ABHD2: variants seen among roughly 807,000 people sequenced by gnomAD.
ABHD2 encodes abhydrolase domain containing 2, acylglycerol lipase.
ABHD2 carries 20 observed loss-of-function variants against 48.1 expected under a neutral mutation model. The observed-to-expected ratio is 0.42, with a 90% CI of 0.29 to 0.60. The LOEUF (loss-of-function observed/expected upper bound fraction) is 0.60. ABHD2 is among the 20% of genes least tolerant of loss of function. The pLI, the probability that ABHD2 is intolerant of heterozygous loss-of-function variation, is 0.24. For synonymous variants in ABHD2, 209 were observed against 214.2 expected (o/e 0.98, Z 0.21); for missense variants, 405 against 550.9 (o/e 0.74, Z 2.65).
At chr15:89,172,948 T>C (rs756807698) in intron 5 of ABHD2, among the ~76,000 whole-genome samples, 1 of 152,206 alleles carries the variant, frequency 6.6e-6, no homozygotes, top group Non-Finnish European at 1.5e-5. Flanking sequence ...CGGGGGTTAC[T>C]TGTCATCAAA....
chr15:89,201,062 A>G lies in ABHD2; in HGVS notation c.*5639A>G. 1.3e-6 allele frequency: 1 copy of G among 782,688 alleles called. No individual in the cohort carries two copies. The highest frequency in any genetic ancestry group is 2.2e-6 in the Non-Finnish European group (1 of 446,954). 48.5% of individuals were successfully genotyped at this position (782,688 alleles called of 1,614,324 possible). ...ACGCCTCTGCACTCCAGCCTGGGCA[A>G]CAAGAGTGAGACTCCGTCTCCAAAA... is the stretch of plus-strand genomic sequence containing the variant. On this transcript the variant is annotated 3_prime_UTR_variant, in exon 11 of 11. Transcript: ENST00000352732.
At chr15:89,181,411 T>G (rs1212259722) in intron 6 of ABHD2, among the ~76,000 whole-genome samples, 1 of 152,194 alleles carries the variant, frequency 6.6e-6, no homozygotes, top group Non-Finnish European at 1.5e-5. Context: ...TACTTTATTC[T>G]TAAGGTTTCA....
chr15:89,115,260 A>G (rs2049936495), intron 2 of ABHD2, among the ~76,000 whole-genome samples: 1 of 151,992 alleles, frequency 6.6e-6, no homozygotes, highest in South Asian at 2.1e-4. Flanking sequence ...CCTGATTTTT[A>G]AGGTTAACAG....
At chr15:89,130,583 G>C (rs1014202220) in intron 3 of ABHD2, among the ~76,000 whole-genome samples, 1 of 152,104 alleles carries the variant, frequency 6.6e-6, no homozygotes, top group Non-Finnish European at 1.5e-5. Context: ...GCTTTAGGCT[G>C]CTAAAAGCCT....
At chr15:89,083,504 GTGTT>G (rs1362737735), upstream of ABHD2, among the ~76,000 whole-genome samples, 1 of 152,178 alleles carries the variant, frequency 6.6e-6, no homozygotes, top group East Asian at 1.9e-4. This position sits in a 1 kb window ranked among gnomAD's most constrained non-coding sequence, Gnocchi z 5.1. Flanking sequence ...GCGTGTATGT[GTGTT>G]TGTGTGTTTC....
chr15:89,127,706 C>CATACATATAT (rs58331064), intron 3 of ABHD2, among the ~76,000 whole-genome samples: 4 of 129,898 alleles, frequency 3.1e-5, no homozygotes, highest in African/African-American at 1.4e-4. Context: ...TATATATATA[C>CATACATATAT]ATATATATAT....
chr15:89,170,051 C>T (rs1430324837), intron 5 of ABHD2, among the ~76,000 whole-genome samples: 5 of 131,904 alleles, frequency 3.8e-5, no homozygotes, highest in Non-Finnish European at 3.2e-5. Flanking sequence ...CTTAAGATGG[C>T]TCAGAGCCAT....
intron 3 of ABHD2, among the ~76,000 whole-genome samples, chr15:89,118,290 T>C (rs1172312715): frequency 1.3e-5 from 2 of 151,960 alleles, no homozygotes; most frequent in African/African-American, 2.4e-5. Flanking sequence ...TTCAAGCGAT[T>C]CTCCTACCTT....
rs1191109174 is a variant in ABHD2, at chr15:89,106,146, T to G, written c.-106-7579T>G. 1 of 152,206 alleles carries G rather than the reference T, an allele frequency of 6.6e-6. No homozygotes were observed. The highest frequency in any genetic ancestry group is 1.5e-5 in the Non-Finnish European group (1 of 68,078). 9.4% of individuals were successfully genotyped at this position (152,206 alleles called of 1,614,324 possible). The stretch of plus-strand genomic sequence containing the variant: ...CTGGCTAACATGGTGAAACCCCGTT[T>G]TTACTAAAAATGCAATAAATTAGTG... On this transcript the variant is annotated intron_variant, in intron 1 of 10. Transcript: ENST00000352732. The surrounding 1 kb of genome is among the most constrained non-coding windows in gnomAD (Gnocchi z 4.2).
rs994374436 is a variant in ABHD2, at chr15:89,184,092, G to A, written c.723-1332G>A. Among the ~76,000 whole-genome samples the A allele has an allele frequency of 6.6e-6, 1 of 152,142 alleles. No homozygotes were observed. The highest frequency in any genetic ancestry group is 2.4e-5 in the African/African-American group (1 of 41,428). ...CAGTGGCCTTTTGACCCTTCAGGGT[G>A]GTGGTAGTCTTCACCTTGAGCTTAG... On this transcript the variant is annotated intron_variant, in intron 6 of 10. Coordinates refer to ENST00000352732, the MANE Select transcript of ABHD2 (RefSeq NM_152924.5). This position sits in a 1 kb window ranked among gnomAD's most constrained non-coding sequence, Gnocchi z 5.1.
chr15:89,056,935 T>C, the ABHD2 span, among the ~76,000 whole-genome samples: 25,066 of 127,956 alleles, frequency 0.2, 2,492 homozygotes, highest in Middle Eastern at 0.26. Context: ...TTTTTTGAGA[T>C]GGAGTTTTGC....
At chr15:89,190,301 G>GGAGCA (rs761571414) in intron 8 of ABHD2, among the ~76,000 whole-genome samples, 1 of 152,192 alleles carries the variant, frequency 6.6e-6, no homozygotes, top group African/African-American at 2.4e-5. Flanking sequence ...CTGGGAGCAC[G>GGAGCA]GAGCAGAGCA....
Position 89,200,941 on chromosome 15 carries a change from G to A in ABHD2, c.*5518G>A. ...TACTAAAAATGCAAAAATTAGCTGG[G>A]TGTGGTGGCGGGCGCCTGTAATCCC... On this transcript the variant is annotated 3_prime_UTR_variant, in exon 11 of 11. Transcript: ENST00000352732. The A allele has an allele frequency of 2.2e-6, 1 of 464,228 alleles. No homozygotes were observed. Among genetic ancestry groups the A allele is most frequent in the East Asian group, 4.2e-5 (1 of 23,932 alleles). The allele number at this position is 464,228 out of a possible 1,614,324, so 28.8% of individuals were successfully genotyped here. A position where few individuals can be genotyped will look rare whatever the true frequency, so the allele number is the denominator to read the frequency against.
At chr15:89,154,957 T>C (rs2050647655) in intron 4 of ABHD2, among the ~76,000 whole-genome samples, 1 of 152,246 alleles carries the variant, frequency 6.6e-6, no homozygotes, top group South Asian at 2.1e-4. Flanking sequence ...CTTTTTATCT[T>C]CTCATTCATT....
At chr15:89,163,071 A>T (rs969036763) in intron 5 of ABHD2, among the ~76,000 whole-genome samples, 2 of 152,252 alleles carry the variant, frequency 1.3e-5, no homozygotes, top group African/African-American at 4.8e-5. Flanking sequence ...GATGCCAGGC[A>T]TTCAAGTCAC....
At chr15:89,115,946 A>G (rs759455889) in intron 2 of ABHD2, among the ~76,000 whole-genome samples, 1 of 152,222 alleles carries the variant, frequency 6.6e-6, no homozygotes, top group Non-Finnish European at 1.5e-5. Flanking sequence ...CCTGTTAACA[A>G]AAATCAAAGT....
intron 3 of ABHD2, chr15:89,135,440 A>C (rs11854944): frequency 0.2 from 129,297 of 659,694 alleles, 14,005 homozygotes; most frequent in Admixed American, 0.33. Context: ...TTTAAAAACA[A>C]ATCTTACACA....
At chr15:89,157,698 C>G (rs1047105366) in intron 5 of ABHD2, among the ~76,000 whole-genome samples, 3 of 151,920 alleles carry the variant, frequency 2.0e-5, no homozygotes, top group African/African-American at 7.3e-5. Context: ...GAAAAAGTAG[C>G]CGGGCGTGGT....
chr15:89,151,635 A>G lies in ABHD2; in HGVS notation c.195-42A>G, dbSNP rs1192521307. ...TAAAAGATTTTTCAGAACGTTGCTC[A>G]AGGAATGTAGAGAAAATTGACCTCC... is the stretch of plus-strand genomic sequence containing the variant. On this transcript the variant is annotated intron_variant, in intron 3 of 10. Coordinates refer to ENST00000352732, the MANE Select transcript of ABHD2 (RefSeq NM_152924.5). The surrounding 1 kb of genome is among the most constrained non-coding windows in gnomAD (Gnocchi z 4.7). 2 of 1,566,590 alleles carry G rather than the reference A, an allele frequency of 1.3e-6. No individual in the cohort carries two copies. The highest frequency in any genetic ancestry group is 1.9e-5 in the Admixed American group (1 of 51,838).
Sources: gnomAD v4.1 joint callset for allele counts (sites outside exome capture counted in the v4.1 genomes callset) on GRCh38, gnomAD v4.1.1 for gene constraint, Gnocchi (gnomAD v3.1) non-coding constraint, MANE v1.5 for transcripts, NCBI Gene and HGNC (gene_info 2026-07-23, HGNC 2026-07-21) for gene names.